Variants in OR5B3 observed in about 807,000 individuals in gnomAD.
The protein encoded by OR5B3 is olfactory receptor 5B3.
For synonymous variants in OR5B3, 150 were observed against 135.0 expected (o/e 1.11, Z -0.77); for missense variants, 430 against 375.4 (o/e 1.15, Z -1.20).
intron 1 of OR5B3, among the ~76,000 whole-genome samples, chr11:58,406,302 G>A (rs1855099579): frequency 6.6e-6 from 1 of 152,108 alleles, no homozygotes; most frequent in South Asian, 2.1e-4. Context: ...GAGAGTCAAG[G>A]TTCAAGAGTT....
intron 1 of OR5B3, among the ~76,000 whole-genome samples, chr11:58,404,661 C>T (rs914784738): frequency 1.3e-5 from 2 of 151,996 alleles, no homozygotes; most frequent in Non-Finnish European, 2.9e-5. Flanking sequence ...TAATTTCTCC[C>T]TTGAAATCCA....
chr11:58,405,654 C>G (rs1394304097), intron 1 of OR5B3, among the ~76,000 whole-genome samples: 5 of 152,090 alleles, frequency 3.3e-5, no homozygotes, highest in Admixed American at 3.3e-4. Context: ...GGATGCTGGG[C>G]TTAATACCTA....
Position 58,404,665 on chromosome 11 carries a change from A to G in OR5B3, c.-26-1230T>C, listed in dbSNP as rs571390941. 5.9e-5 allele frequency among the ~76,000 whole-genome samples: 9 copies of G among 152,170 alleles called. No homozygotes were observed. In the South Asian group the frequency reaches 1.9e-3, roughly 32 times the overall value. ...TTTCTTTTTCTTAATTTCTCCCTTG[A>G]AATCCACATTTTAGTGTGGGTAAAA... On this transcript the variant is annotated intron_variant, in intron 1 of 1. Coordinates refer to ENST00000641865, the MANE Select transcript of OR5B3 (RefSeq NM_001005469.2).
chr11:58,406,444 AC>A (rs1167571140), intron 1 of OR5B3, among the ~76,000 whole-genome samples: 26 of 152,066 alleles, frequency 1.7e-4, no homozygotes, highest in Admixed American at 1.5e-3. Context: ...TTCATTTAAC[AC>A]CTTTTTGTAG....
At chr11:58,404,186 C>T (rs778870965) in intron 1 of OR5B3, among the ~76,000 whole-genome samples, 2 of 151,866 alleles carry the variant, frequency 1.3e-5, no homozygotes, top group Non-Finnish European at 2.9e-5. Context: ...TATCACCAAA[C>T]AGAGCAGATA....
intron 1 of OR5B3, among the ~76,000 whole-genome samples, chr11:58,404,236 G>A (rs1049788362): frequency 7.9e-5 from 12 of 151,652 alleles, no homozygotes; most frequent in African/African-American, 2.9e-4. Context: ...ATCAGTCCAC[G>A]ACTTACCACC....
intron 1 of OR5B3, among the ~76,000 whole-genome samples, chr11:58,403,645 AC>A (rs1855065949): frequency 6.6e-6 from 1 of 152,148 alleles, no homozygotes; most frequent in Admixed American, 6.6e-5. Context: ...TATCTACACA[AC>A]TTTTAGATAT....
At position 58,403,315 on chromosome 11, in the gene OR5B3, A is replaced by T; in HGVS notation, c.95T>A (p.Ile32Asn). 6.2e-7 allele frequency: 1 copy of T among 1,612,480 alleles called. No individual in the cohort carries two copies. The highest frequency in any genetic ancestry group is 8.5e-7 in the Non-Finnish European group (1 of 1,178,744). The change falls in exon 2 of 2, where the codon ATC (isoleucine) becomes AAC (asparagine). Residue 32 changes from isoleucine to asparagine, a missense_variant. Transcript: ENST00000641865. The part of the protein sequence containing the change: ...QVPLFITFPF[I>N]YIITLVGNLG... ...GTTTCCAACCAGAGTGATAATATAGATGAAGGGGAACGTTATAAAGAGGGG... is the reference window on the plus strand; with the variant it reads ...GTTTCCAACCAGAGTGATAATATAGTTGAAGGGGAACGTTATAAAGAGGGG...
In OR5B3 at chr11:58,403,133, T is replaced by C; in HGVS notation, c.277A>G (p.Asn93Asp). Residue 93 changes from asparagine to aspartate, a missense_variant, in exon 2 of 2, where the codon AAT (asparagine) becomes GAT (aspartate). By Grantham distance (23) the Asn-to-Asp change is conservative. Transcript: ENST00000641865. The part of the protein sequence containing the change: ...FLIEDKVISY[N>D]ACAAQMYIFV... Reference sequence around the variant, plus strand: ...ATATACATTTGAGCAGCACATGCATTGTAAGAGATGACCTTGTCTTCTATA... The same window carrying C: ...ATATACATTTGAGCAGCACATGCATCGTAAGAGATGACCTTGTCTTCTATA... The C allele has an allele frequency of 3.1e-6, 5 of 1,614,086 alleles. No individual in the cohort carries two copies. Among genetic ancestry groups the C allele is most frequent in the Non-Finnish European group, 4.2e-6 (5 of 1,179,956 alleles).
In OR5B3 at chr11:58,403,302, A is replaced by G; in HGVS notation, c.108T>C (p.Thr36=). 4 of 1,613,028 alleles carry G rather than the reference A, an allele frequency of 2.5e-6. No homozygotes were observed. Among genetic ancestry groups the G allele is most frequent in the Non-Finnish European group, 3.4e-6 (4 of 1,179,110 alleles). ...CAATAATTCCCAGGTTTCCAACCAG[A>G]GTGATAATATAGATGAAGGGGAACG... ...FITFPFIYII[T]LVGNLGIIVL... Residue 36 remains threonine, a synonymous_variant, in exon 2 of 2, where the codon ACT becomes ACC. Coordinates refer to ENST00000641865, the MANE Select transcript of OR5B3 (RefSeq NM_001005469.2).
chr11:58,406,595 T>A (rs1355948458), intron 1 of OR5B3, among the ~76,000 whole-genome samples: 2 of 152,136 alleles, frequency 1.3e-5, no homozygotes, highest in East Asian at 1.9e-4. Context: ...TTTGTTCATA[T>A]CTTTGGAGGA....
chr11:58,405,251 T>G (rs984520103), intron 1 of OR5B3, among the ~76,000 whole-genome samples: 1 of 152,194 alleles, frequency 6.6e-6, no homozygotes, highest in Non-Finnish European at 1.5e-5. Flanking sequence ...CTATGTAGTA[T>G]TCCATAAATC....
intron 1 of OR5B3, among the ~76,000 whole-genome samples, chr11:58,404,631 A>G (rs1413733783): frequency 6.6e-6 from 1 of 152,000 alleles, no homozygotes; most frequent in Non-Finnish European, 1.5e-5. Flanking sequence ...CGGAAGATTC[A>G]CATGAGCCTT....
At position 58,406,780 on chromosome 11, in the gene OR5B3, TTC is replaced by T. The variant is rs1408434188; in HGVS notation, c.-27+19_-27+20del. ...TGAGTTACACTTGTCTCTAAAATGT[TTC>T]TTAGATATAGAAGCTTACCTTACAG... is the stretch of plus-strand genomic sequence containing the variant. On this transcript the variant is annotated intron_variant, in intron 1 of 1. Coordinates refer to ENST00000641865, the MANE Select transcript of OR5B3 (RefSeq NM_001005469.2). The T allele has an allele frequency of 6.6e-6, 1 of 152,198 alleles. No homozygotes were observed. The highest frequency in any genetic ancestry group is 2.4e-5 in the African/African-American group (1 of 41,460). The allele number at this position is 152,198 out of a possible 1,614,324, so 9.4% of individuals were successfully genotyped here.
intron 1 of OR5B3, among the ~76,000 whole-genome samples, chr11:58,406,177 A>T (rs895556969): frequency 1.4e-5 from 2 of 143,202 alleles, no homozygotes; most frequent in African/African-American, 5.1e-5. Context: ...GTGTGTGCGC[A>T]TGTGTGTGTG....
Position 58,403,055 on chromosome 11 carries a change from CAT to C in OR5B3, c.353_354del (p.Tyr118Ter). 1 of 1,614,058 alleles carries C rather than the reference CAT, an allele frequency of 6.2e-7. No homozygotes were observed. Among genetic ancestry groups the C allele is most frequent in the Non-Finnish European group, 8.5e-7 (1 of 1,179,952 alleles). On this transcript the variant is annotated frameshift_variant, in exon 2 of 2. Transcript: ENST00000641865. LOFTEE classifies it low-confidence loss of function (END_TRUNC). The stretch of plus-strand genomic sequence containing the variant: ...GGTTTGCACACTGCTGCATAGCGGT[CAT>C]AGGCCATTGAGGCCAAGAGGTAATT... ...VENYLLASMA[Y>X]DRYAAVCKPL...
rs1263918322 is a variant in OR5B3, at chr11:58,406,845, C to T, written c.-71G>A. ...AAACAGTCAATACAGAATAGTTGTTCTGCAATCAGAAAATCAGCCATGGAA... is the reference window on the plus strand; with the variant it reads ...AAACAGTCAATACAGAATAGTTGTTTTGCAATCAGAAAATCAGCCATGGAA... On this transcript the variant is annotated 5_prime_UTR_variant, in exon 1 of 2. Coordinates refer to ENST00000641865, the MANE Select transcript of OR5B3 (RefSeq NM_001005469.2). 1 of 152,122 alleles carries T rather than the reference C, an allele frequency of 6.6e-6. No homozygotes were observed. Among genetic ancestry groups the T allele is most frequent in the Non-Finnish European group, 1.5e-5 (1 of 68,028 alleles). 9.4% of individuals were successfully genotyped at this position (152,122 alleles called of 1,614,324 possible). A position where few individuals can be genotyped will look rare whatever the true frequency, so the allele number is the denominator to read the frequency against.
intron 1 of OR5B3, among the ~76,000 whole-genome samples, chr11:58,406,181 G>C (rs7125059): frequency 0.32 from 48,752 of 151,852 alleles, 7,885 homozygotes; most frequent in Non-Finnish European, 0.36. Context: ...GTGCGCATGT[G>C]TGTGTGTGAG....
In OR5B3 at chr11:58,406,688, T is replaced by A. The variant is rs553346938; in HGVS notation, c.-27+113A>T. Reference sequence around the variant, plus strand: ...GCCCACCTCAGTATTTTAGAAAAAATGTTGAAAACATCTATTTCTGCTCTC... The same window carrying A: ...GCCCACCTCAGTATTTTAGAAAAAAAGTTGAAAACATCTATTTCTGCTCTC... On this transcript the variant is annotated intron_variant, in intron 1 of 1. Coordinates refer to ENST00000641865, the MANE Select transcript of OR5B3 (RefSeq NM_001005469.2). 9.2e-5 allele frequency: 14 copies of A among 152,294 alleles called. No homozygotes were observed. In the East Asian group the frequency reaches 2.3e-3, roughly 25 times the overall value. The allele number at this position is 152,294 out of a possible 1,614,324, so 9.4% of individuals were successfully genotyped here. A position where few individuals can be genotyped will look rare whatever the true frequency, so the allele number is the denominator to read the frequency against.
Sources: gnomAD v4.1 joint callset for allele counts (sites outside exome capture counted in the v4.1 genomes callset) on GRCh38, gnomAD v4.1.1 for gene constraint, MANE v1.5 for transcripts, NCBI Gene and HGNC (gene_info 2026-07-23, HGNC 2026-07-21) for gene names.